Variants in TUBA1C observed in about 807,000 individuals in gnomAD.
The protein encoded by TUBA1C is tubulin alpha 1c.
TUBA1C carries 16 observed loss-of-function variants against 34.9 expected under a neutral mutation model. The ratio of observed to expected loss-of-function variants is 0.46; its 90% CI spans 0.31 to 0.70. The LOEUF (loss-of-function observed/expected upper bound fraction) is 0.70. Ranked by LOEUF, TUBA1C falls within the 30% of genes least tolerant of loss-of-function variation. The probability of loss-of-function intolerance (pLI) is 0.05; values close to 1 mark genes in which losing one functional copy is unlikely to be tolerated. For missense variants in TUBA1C, 329 were observed against 587.3 expected (o/e 0.56, Z 4.55); for synonymous variants, 177 against 215.9 (o/e 0.82, Z 1.58).
intron 1 of TUBA1C, among the ~76,000 whole-genome samples, chr12:49,249,491 A>G (rs183208425): frequency 1.3e-5 from 2 of 152,302 alleles, no homozygotes; most frequent in East Asian, 3.9e-4. Context: ...AAGAGGAAAT[A>G]AAGATTAGAG....
At chr12:49,270,026 C>A in intron 3 of TUBA1C, 50 bp downstream of exon 3, 1 of 1,614,148 alleles carries the variant, frequency 6.2e-7, no homozygotes, top group South Asian at 1.1e-5. Context: ...TTTTGCAGTT[C>A]TGAGACCAAA....
chr12:49,228,285 T>A, intron 1 of TUBA1C: 1 of 930,432 alleles, frequency 1.1e-6, no homozygotes, highest in Non-Finnish European at 1.6e-6. Flanking sequence ...CATGTTTAAT[T>A]ATATTGGTGG....
chr12:49,240,073 CACA>C (rs1565639560), intron 1 of TUBA1C, among the ~76,000 whole-genome samples: 30 of 151,390 alleles, frequency 2.0e-4, no homozygotes, highest in African/African-American at 2.9e-4. Context: ...CACACACACA[CACA>C]CCCTGCCTTT....
At chr12:49,254,448 C>T (rs1410387602) in intron 1 of TUBA1C, among the ~76,000 whole-genome samples, 2 of 146,088 alleles carry the variant, frequency 1.4e-5, no homozygotes, top group African/African-American at 2.6e-5. Flanking sequence ...TGCCACTGCA[C>T]TCCAGCCTGG....
At chr12:49,257,861 AAT>A in intron 1 of TUBA1C, 2 of 192,164 alleles carry the variant, frequency 1.0e-5, no homozygotes, top group South Asian at 5.6e-5. Flanking sequence ...AAAAGTTTAC[AAT>A]TTTTTTTTTT....
chr12:49,266,763 CT>C (rs1181384237), intron 1 of TUBA1C, among the ~76,000 whole-genome samples: 1 of 151,884 alleles, frequency 6.6e-6, no homozygotes, highest in East Asian at 1.9e-4. Context: ...GTGGGAGGAT[CT>C]TTTGATCCCG....
At position 49,274,285 on chromosome 12, in the gene TUBA1C, A is replaced by ATTTTTTTTTTTT. The variant is rs869028916; in HGVS notation, c.*1076_*1087dup. Reference sequence around the variant, plus strand: ...CCACCATGCCTGGCTGATTCTTGTAATTTTTTTTTTTTTTTTTTTTTTTTT... The same window carrying ATTTTTTTTTTTT: ...CCACCATGCCTGGCTGATTCTTGTAATTTTTTTTTTTTTTTTTTTTTTTTTTTTTTTTTTTTT... On this transcript the variant is annotated 3_prime_UTR_variant, in exon 4 of 4. Coordinates refer to ENST00000301072, the MANE Select transcript of TUBA1C (RefSeq NM_032704.5). The ATTTTTTTTTTTT allele has an allele frequency of 1.3e-4, 9 of 69,690 alleles. 1 individual carries two copies. Among genetic ancestry groups the ATTTTTTTTTTTT allele is most frequent in the African/African-American group, 4.9e-4 (7 of 14,322 alleles). The allele number at this position is 69,690 out of a possible 1,614,324, so 4.3% of individuals were successfully genotyped here.
At position 49,273,545 on chromosome 12, in the gene TUBA1C, C is replaced by T. The variant is rs1249510109; in HGVS notation, c.*318C>T. 7.4e-6 allele frequency: 3 copies of T among 405,284 alleles called. No homozygotes were observed. Among genetic ancestry groups the T allele is most frequent in the Admixed American group, 7.4e-5 (2 of 27,160 alleles). 25.1% of individuals were successfully genotyped at this position (405,284 alleles called of 1,614,324 possible). On this transcript the variant is annotated 3_prime_UTR_variant, in exon 4 of 4. Transcript: ENST00000301072. ...GCTGGGGACTGCAGGTGCACACCAC[C>T]ATGCCCAGCTATTTTTATTTCTTGT...
intron 3 of TUBA1C, 76 bp from the exon 4 acceptor site, chr12:49,272,177 C>G (rs934385019): frequency 6.5e-7 from 1 of 1,533,304 alleles, no homozygotes; most frequent in East Asian, 2.3e-5. Context: ...TTATAGAAGT[C>G]CTCTGTAGGT....
At chr12:49,250,736 C>G (rs1452063756) in intron 1 of TUBA1C, among the ~76,000 whole-genome samples, 1 of 151,334 alleles carries the variant, frequency 6.6e-6, no homozygotes, top group African/African-American at 2.4e-5. Context: ...AACAGTGAAA[C>G]CCCATCTCTA....
chr12:49,256,990 G>C (rs1942790568), intron 1 of TUBA1C, among the ~76,000 whole-genome samples: 2 of 151,924 alleles, frequency 1.3e-5, no homozygotes. Flanking sequence ...GACCAGCCTG[G>C]CCAACATGAT....
chr12:49,261,653 G>T (rs1942841662), upstream of TUBA1C, among the ~76,000 whole-genome samples: 1 of 152,056 alleles, frequency 6.6e-6, no homozygotes, highest in African/African-American at 2.4e-5. Flanking sequence ...ATCATTAATT[G>T]TATCATGTAA....
chr12:49,232,045 G>A (rs1942503482), intron 1 of TUBA1C, among the ~76,000 whole-genome samples: 1 of 152,198 alleles, frequency 6.6e-6, no homozygotes, highest in Non-Finnish European at 1.5e-5. Flanking sequence ...GGGCCTGACA[G>A]AAGGAGGACA....
intron 1 of TUBA1C, among the ~76,000 whole-genome samples, chr12:49,247,319 G>A (rs1942680709): frequency 6.6e-6 from 1 of 151,808 alleles, no homozygotes; most frequent in Admixed American, 6.6e-5. Flanking sequence ...CACTTTGGGA[G>A]GCTGAGGTGG....
At chr12:49,238,456 G>A (rs934662526) in intron 1 of TUBA1C, among the ~76,000 whole-genome samples, 1 of 151,970 alleles carries the variant, frequency 6.6e-6, no homozygotes, top group African/African-American at 2.4e-5. Context: ...GGAGAGCCTC[G>A]GATCCCACGA....
At chr12:49,241,775 A>C (rs1942619438) in intron 1 of TUBA1C, among the ~76,000 whole-genome samples, 1 of 149,800 alleles carries the variant, frequency 6.7e-6, no homozygotes, top group Non-Finnish European at 1.5e-5. Context: ...TCAGCCTCCC[A>C]AGTAGCTGGG....
At chr12:49,261,314 AT>A (rs1482045089), upstream of TUBA1C, among the ~76,000 whole-genome samples, 4 of 151,986 alleles carry the variant, frequency 2.6e-5, no homozygotes, top group East Asian at 3.8e-4. Flanking sequence ...AGTAGGGTAA[AT>A]TTTTTTTCTT....
intron 3 of TUBA1C, among the ~76,000 whole-genome samples, chr12:49,270,853 C>A (rs1334496935): frequency 6.6e-6 from 1 of 152,090 alleles, no homozygotes; most frequent in Non-Finnish European, 1.5e-5. Context: ...GTGGTGGGCG[C>A]CTGTAGTCCT....
intron 1 of TUBA1C, among the ~76,000 whole-genome samples, chr12:49,235,731 T>TC (rs1249134028): frequency 1.2e-4 from 14 of 114,296 alleles, no homozygotes; most frequent in African/African-American, 4.9e-4. Context: ...AGACTCGGTC[T>TC]CAAAAAAAAA....
Sources: allele counts gnomAD v4.1 joint callset (sites outside exome capture counted in the v4.1 genomes callset), GRCh38; gene constraint gnomAD v4.1.1; transcripts MANE v1.5; gene names NCBI Gene and HGNC (gene_info 2026-07-23, HGNC 2026-07-21).